Variants in CAMSAP1 observed in about 807,000 individuals in gnomAD.
CAMSAP1 encodes calmodulin-regulated spectrin-associated protein 1.
CAMSAP1 carries 58 observed loss-of-function variants against 143.5 expected under a neutral mutation model. The observed-to-expected ratio is 0.40, with a 90% CI of 0.33 to 0.50. The LOEUF (loss-of-function observed/expected upper bound fraction) is 0.50. Ranked by LOEUF, CAMSAP1 falls within the 20% of genes least tolerant of loss-of-function variation. The pLI is 0.45. For synonymous variants in CAMSAP1, 945 were observed against 859.3 expected, an observed-to-expected ratio of 1.10 and a Z score of -1.74; for missense variants, 1,969 against 2,115.7, an observed-to-expected ratio of 0.93 and a Z score of 1.36.
At chr9:135,906,613 T>C (rs1319567171) in intron 1 of CAMSAP1, among the ~76,000 whole-genome samples, 1 of 152,228 alleles carries the variant, frequency 6.6e-6, no homozygotes, top group East Asian at 1.9e-4. Flanking sequence ...GGTCCAGCAC[T>C]GGACGATGCC....
intron 1 of CAMSAP1, 67 bp downstream of exon 1, chr9:135,906,933 C>G (rs1838801340): frequency 2.2e-6 from 2 of 893,150 alleles, no homozygotes; most frequent in African/African-American, 1.8e-5. Context: ...CCGGCCGGAC[C>G]CCGGCCGCGT....
In CAMSAP1 at chr9:135,821,844, G is replaced by A. The variant is rs1835475141; in HGVS notation, c.2817C>T (p.Tyr939=). ...PLRPEHFAKE[Y]SQHNGEDCGD... is the part of the protein sequence containing the mutation. ...CACAGTCCTCCCCGTTGTGCTGAGA[G>A]TACTCCTTTGCAAAGTGCTCCGGCC... Residue 939 remains tyrosine (Y), a synonymous_variant, in exon 11 of 17, where the codon TAC becomes TAT. Transcript: ENST00000389532. This position sits in a 1 kb window ranked among gnomAD's most constrained non-coding sequence, Gnocchi z 4.6. 1 of 1,613,922 alleles carries A rather than the reference G, an allele frequency of 6.2e-7. No individual in the cohort carries two copies. The highest frequency in any genetic ancestry group is 1.3e-5 in the African/African-American group (1 of 74,946).
rs879118418 is a variant in CAMSAP1, at chr9:135,818,196, C to T, written c.4169-117G>A. 8.3e-7 allele frequency: 1 copy of T among 1,200,316 alleles called. No homozygotes were observed. The highest frequency in any genetic ancestry group is 1.5e-5 in the South Asian group (1 of 68,910). 74.4% of individuals were successfully genotyped at this position (1,200,316 alleles called of 1,614,324 possible). Reference sequence around the variant, plus strand: ...AGAGCTCGGCCACACAGGCCGCGTCCCCACCCCATCCCGGGGAGCCGGGCT... The same window carrying T: ...AGAGCTCGGCCACACAGGCCGCGTCTCCACCCCATCCCGGGGAGCCGGGCT... On this transcript the variant is annotated intron_variant, in intron 13 of 16. Coordinates refer to ENST00000389532, the MANE Select transcript of CAMSAP1 (RefSeq NM_015447.4). The surrounding 1 kb of genome is among the most constrained non-coding windows in gnomAD (Gnocchi z 7.7).
intron 1 of CAMSAP1, among the ~76,000 whole-genome samples, chr9:135,898,442 C>T (rs1475267904): frequency 6.6e-6 from 1 of 152,004 alleles, no homozygotes; most frequent in Non-Finnish European, 1.5e-5. Flanking sequence ...TCCAGAAGTT[C>T]CAAACTAGTC....
chr9:135,869,240 C>G (rs1375876945), intron 3 of CAMSAP1, among the ~76,000 whole-genome samples: 1 of 152,096 alleles, frequency 6.6e-6, no homozygotes, highest in African/African-American at 2.4e-5. Context: ...CGGTGGCTCA[C>G]ACCTGTAATC....
chr9:135,864,069 G>A (rs891413132), intron 4 of CAMSAP1, among the ~76,000 whole-genome samples: 5 of 152,138 alleles, frequency 3.3e-5, no homozygotes, highest in African/African-American at 1.2e-4. Context: ...TCTTTCCCAG[G>A]CCTTTCCACA....
chr9:135,834,858 T>C (rs1835966390), intron 7 of CAMSAP1, among the ~76,000 whole-genome samples: 2 of 152,172 alleles, frequency 1.3e-5, no homozygotes, highest in Non-Finnish European at 2.9e-5. Context: ...TATCAAAACA[T>C]CATGCTGTTT....
Position 135,816,073 on chromosome 9 carries a change from G to C in CAMSAP1, c.4272-68C>G, listed in dbSNP as rs1477865460. ...GCTTCCTCTCACCACTGCTGGCAAG[G>C]GGCTGGCCCGCAACCAGGACAGGAA... On this transcript the variant is annotated intron_variant, in intron 14 of 16. Transcript: ENST00000389532. The C allele has an allele frequency of 3.5e-6, 5 of 1,430,704 alleles. No homozygotes were observed. In the South Asian group the frequency reaches 4.6e-5, roughly 13 times the overall value. 88.6% of individuals were successfully genotyped at this position (1,430,704 alleles called of 1,614,324 possible).
chr9:135,901,756 AT>A (rs1227812700), intron 1 of CAMSAP1, among the ~76,000 whole-genome samples: 1 of 152,138 alleles, frequency 6.6e-6, no homozygotes, highest in Non-Finnish European at 1.5e-5. Flanking sequence ...TCGGCACGAC[AT>A]CCCCCTACTT....
chr9:135,827,392 G>A lies in CAMSAP1; in HGVS notation c.1223+15C>T, dbSNP rs185034091. On this transcript the variant is annotated intron_variant, in intron 8 of 16. Coordinates refer to ENST00000389532, the MANE Select transcript of CAMSAP1 (RefSeq NM_015447.4). ...AGATGGTGAACTGATTCTGAAAGCA[G>A]AAAGACAGACTTACAGGTATTCAGG... 219 of 1,483,164 alleles carry A rather than the reference G, an allele frequency of 1.5e-4. 2 individuals carry two copies. The East Asian group carries it at 4.0e-3, about 27-fold the overall frequency. 91.9% of individuals were successfully genotyped at this position (1,483,164 alleles called of 1,614,324 possible). A position where few individuals can be genotyped will look rare whatever the true frequency, so the allele number is the denominator to read the frequency against.
chr9:135,831,893 C>T (rs1835873071), intron 7 of CAMSAP1, among the ~76,000 whole-genome samples: 1 of 152,046 alleles, frequency 6.6e-6, no homozygotes, highest in Non-Finnish European at 1.5e-5. Flanking sequence ...GAAGACTGAA[C>T]AAAGAAGATA....
intron 1 of CAMSAP1, 53 bp downstream of exon 1, chr9:135,906,947 C>T: frequency 1.0e-6 from 1 of 959,224 alleles, no homozygotes; most frequent in Non-Finnish European, 1.2e-6. Flanking sequence ...GCCGCGTCCC[C>T]CGGCCCCGGC....
chr9:135,836,623 C>T, intron 7 of CAMSAP1: 16 of 984,650 alleles, frequency 1.6e-5, no homozygotes, highest in Non-Finnish European at 1.9e-5. Flanking sequence ...GTACCTTCTA[C>T]CCTGTTCTAC....
At position 135,822,044 on chromosome 9, in the gene CAMSAP1, G is replaced by A; in HGVS notation, c.2617C>T (p.Leu873Phe). 1 of 1,612,612 alleles carries A rather than the reference G, an allele frequency of 6.2e-7. No homozygotes were observed. Among genetic ancestry groups the A allele is most frequent in the Non-Finnish European group, 8.5e-7 (1 of 1,179,460 alleles). Residue 873 changes from leucine to phenylalanine, a missense_variant, in exon 11 of 17, where the codon CTC becomes TTC. Leu to Phe is a conservative substitution (Grantham distance 22, BLOSUM62 0). Coordinates refer to ENST00000389532, the MANE Select transcript of CAMSAP1 (RefSeq NM_015447.4). This position sits in a 1 kb window ranked among gnomAD's most constrained non-coding sequence, Gnocchi z 6.1. ...AGCTGTACCAGCTCAGATGCCAGGAGGCTGGCGGGATCCTTGCCATGCTGG... is the reference window on the plus strand; with the variant it reads ...AGCTGTACCAGCTCAGATGCCAGGAAGCTGGCGGGATCCTTGCCATGCTGG... ...PSQHGKDPAS[L>F]LASELVQLHM... is the part of the protein sequence containing the mutation.
At chr9:135,844,987 G>C (rs898454259) in intron 7 of CAMSAP1, among the ~76,000 whole-genome samples, 1 of 151,974 alleles carries the variant, frequency 6.6e-6, no homozygotes, top group African/African-American at 2.4e-5. Context: ...CCAAACAACA[G>C]AAAAAGAGGG....
chr9:135,878,296 A>G (rs1291489728), intron 3 of CAMSAP1, among the ~76,000 whole-genome samples: 1 of 152,182 alleles, frequency 6.6e-6, no homozygotes, highest in Non-Finnish European at 1.5e-5. Context: ...GGCAGGACAG[A>G]GTCCCAGAGG....
rs778525882 is a variant in CAMSAP1 at position 135,822,768 on chromosome 9, G to A, written c.1893C>T (p.Gly631=). The change falls in exon 11 of 17, where the codon GGC becomes GGT. Residue 631 remains glycine (G), a synonymous_variant. Transcript: ENST00000389532. The surrounding 1 kb of genome is among the most constrained non-coding windows in gnomAD (Gnocchi z 6.1). ...RSIVSRRPSE[G]PQPLVRRKMT... ...TTTTCCTTCGTACCAAAGGCTGGGG[G>A]CCCTCGCTGGGCCTCCTAGACACGA... 1.2e-6 allele frequency: 2 copies of A among 1,613,788 alleles called. No homozygotes were observed. Among genetic ancestry groups the A allele is most frequent in the Non-Finnish European group, 8.5e-7 (1 of 1,179,820 alleles).
chr9:135,862,446 AG>A lies in CAMSAP1; in HGVS notation c.808+20del, dbSNP rs1270218592. ...CTTTAAGCCTTTTCGGATCTGTTTC[AG>A]GGAAGCATTCTCCACTCACCATCCA... On this transcript the variant is annotated intron_variant, in intron 5 of 16. Transcript: ENST00000389532. The A allele has an allele frequency of 6.5e-7, 1 of 1,549,636 alleles. No individual in the cohort carries two copies. Among genetic ancestry groups the A allele is most frequent in the Non-Finnish European group, 8.7e-7 (1 of 1,146,062 alleles).
chr9:135,830,117 A>G (rs999424089), intron 7 of CAMSAP1, among the ~76,000 whole-genome samples: 3 of 152,218 alleles, frequency 2.0e-5, no homozygotes, highest in African/African-American at 7.2e-5. Flanking sequence ...ACAAAAAGCA[A>G]CAACAAAACA....
Sources: gnomAD v4.1 joint callset for allele counts (sites outside exome capture counted in the v4.1 genomes callset) on GRCh38, gnomAD v4.1.1 for gene constraint, Gnocchi (gnomAD v3.1) non-coding constraint, MANE v1.5 for transcripts, NCBI Gene and HGNC (gene_info 2026-07-23, HGNC 2026-07-21) for gene names.